Variants in KIF27 observed in about 807,000 individuals in gnomAD.
The protein encoded by KIF27 is kinesin family member 27, also known as kinesin-like protein KIF27.
KIF27 carries 84 observed loss-of-function variants against 141.8 expected under a neutral mutation model. The observed-to-expected ratio is 0.59, with a 90% CI of 0.50 to 0.71. The LOEUF is 0.71. Among genes scored for constraint, KIF27 ranks in the 30% least tolerant of loss-of-function variants. The pLI is 0.00. For synonymous variants in KIF27, 471 were observed against 569.5 expected (o/e 0.83, Z 2.46); for missense variants, 1,306 against 1,628.4 (o/e 0.80, Z 3.41).
intron 9 of KIF27, among the ~76,000 whole-genome samples, 193 bp downstream of exon 9, chr9:83,886,848 G>A (rs549292063): frequency 2.6e-4 from 40 of 152,220 alleles, no homozygotes; most frequent in Admixed American, 1.9e-3. Context: ...ACAATTCAGA[G>A]GTGAAATCCC....
Position 83,870,500 on chromosome 9 carries a change from C to T in KIF27, c.2757+19G>A, listed in dbSNP as rs1206768058. The T allele has an allele frequency of 1.2e-6, 2 of 1,613,318 alleles. No homozygotes were observed. The stretch of plus-strand genomic sequence containing the variant: ...CAGATTGAAGAGAAACCAGGAAACA[C>T]TAAATAGAATTGACAAACCTGGAGA... On this transcript the variant is annotated intron_variant, in intron 12 of 17. Transcript: ENST00000297814.
At chr9:83,894,042 A>T (rs985287483) in intron 5 of KIF27, among the ~76,000 whole-genome samples, 3 of 152,220 alleles carry the variant, frequency 2.0e-5, no homozygotes, top group African/African-American at 7.2e-5. Context: ...ACAATGGTCA[A>T]ATTCCTAGAA....
chr9:83,869,784 A>G (rs1481896354), intron 12 of KIF27, among the ~76,000 whole-genome samples: 1 of 152,194 alleles, frequency 6.6e-6, no homozygotes, highest in Non-Finnish European at 1.5e-5. Flanking sequence ...TCCAGTGAAC[A>G]TGGATTTCAT....
chr9:83,884,527 C>T (rs2132260052), intron 9 of KIF27, among the ~76,000 whole-genome samples: 1 of 152,248 alleles, frequency 6.6e-6, no homozygotes, highest in East Asian at 1.9e-4. Context: ...TCAAATATGC[C>T]TATTGTTTTA....
rs1952159502 is a variant in KIF27 at position 83,886,914 on chromosome 9, C to T, written c.2239+127G>A. ...TCCACATATTGGCCTAAAAACTCAC[C>T]TTGTTACACCAATCCAAGCTAAGTG... On this transcript the variant is annotated intron_variant, in intron 9 of 17. Transcript: ENST00000297814. 27 of 1,057,086 alleles carry T rather than the reference C, an allele frequency of 2.6e-5. No individual in the cohort carries two copies. The South Asian group carries it at 5.1e-4, about 20-fold the overall frequency. The allele number at this position is 1,057,086 out of a possible 1,614,324, so 65.5% of individuals were successfully genotyped here.
intron 16 of KIF27, chr9:83,848,816 A>G (rs1274026234): frequency 6.7e-6 from 1 of 149,282 alleles, no homozygotes; most frequent in Non-Finnish European, 1.5e-5. Flanking sequence ...TGACTTTTTT[A>G]CTTTTTTTTT....
intron 3 of KIF27, among the ~76,000 whole-genome samples, chr9:83,905,960 C>T (rs1954478413): frequency 6.6e-6 from 1 of 152,196 alleles, no homozygotes; most frequent in Non-Finnish European, 1.5e-5. Context: ...TCATTTGTAA[C>T]ATCCTTCCAA....
chr9:83,887,185 CA>C lies in KIF27; in HGVS notation c.2094del (p.Ile698MetfsTer10). 2.7e-6 allele frequency: 4 copies of C among 1,503,748 alleles called. No individual in the cohort carries two copies. The highest frequency in any genetic ancestry group is 3.6e-6 in the Non-Finnish European group (4 of 1,122,202). 93.2% of individuals were successfully genotyped at this position (1,503,748 alleles called of 1,614,324 possible). Reference sequence around the variant, plus strand: ...AATTCTTGACTCTCCTGGAGACAATCAATCTTTAAATCTTTAAAAAAAAATG... The same window carrying C: ...AATTCTTGACTCTCCTGGAGACAATCATCTTTAAATCTTTAAAAAAAAATG... ...KSDLENEDLK[I>X]DCLQESQELN... On this transcript the variant is annotated frameshift_variant, in exon 9 of 18. Coordinates refer to ENST00000297814, the MANE Select transcript of KIF27 (RefSeq NM_017576.4). LOFTEE classifies it high-confidence loss of function.
chr9:83,908,279 A>AAG (rs1554683031), intron 3 of KIF27, among the ~76,000 whole-genome samples, 173 bp downstream of exon 3: 22 of 151,614 alleles, frequency 1.5e-4, no homozygotes, highest in Middle Eastern at 3.2e-3. Context: ...AAAAAAAAAA[A>AAG]AGAGAGAGAG....
At chr9:83,877,472 A>C (rs1321302221) in intron 11 of KIF27, among the ~76,000 whole-genome samples, 1 of 152,172 alleles carries the variant, frequency 6.6e-6, no homozygotes, top group Non-Finnish European at 1.5e-5. Flanking sequence ...CAAAAGAATA[A>C]ATGTGGACCA....
rs925020247 is a variant in KIF27 at position 83,870,430 on chromosome 9, G to T, written c.2757+89C>A. 21 of 1,544,432 alleles carry T rather than the reference G, an allele frequency of 1.4e-5. No homozygotes were observed. The African/African-American group carries it at 2.7e-4, about 20-fold the overall frequency. ...GATCCACCCACCTCGGCGTCCCAAA[G>T]TGCTAGGATTACAGGTGTGAGTTTA... On this transcript the variant is annotated intron_variant, in intron 12 of 17. Coordinates refer to ENST00000297814, the MANE Select transcript of KIF27 (RefSeq NM_017576.4).
intron 5 of KIF27, chr9:83,898,551 T>C (rs1225482147): frequency 6.6e-6 from 1 of 152,228 alleles, no homozygotes; most frequent in Non-Finnish European, 1.5e-5. Context: ...CGCTGGCAGT[T>C]AGCAATTTCT....
chr9:83,878,479 T>G (rs1225530469), intron 11 of KIF27, among the ~76,000 whole-genome samples: 1 of 152,162 alleles, frequency 6.6e-6, no homozygotes, highest in Non-Finnish European at 1.5e-5. Context: ...TTATTCACAA[T>G]AGCCAAATGG....
At chr9:83,894,036 T>C (rs567513470) in intron 5 of KIF27, among the ~76,000 whole-genome samples, 1 of 152,232 alleles carries the variant, frequency 6.6e-6, no homozygotes, top group Admixed American at 6.5e-5. Context: ...TTATATACAA[T>C]GGTCAAATTC....
At chr9:83,917,718 T>C (rs552292604) in intron 1 of KIF27, among the ~76,000 whole-genome samples, 17 of 152,304 alleles carry the variant, frequency 1.1e-4, no homozygotes, top group African/African-American at 3.8e-4. Flanking sequence ...AAGAATACTC[T>C]TTTCAACAAA....
chr9:83,866,903 TCA>T (rs752208802), intron 13 of KIF27, among the ~76,000 whole-genome samples: 3 of 151,716 alleles, frequency 2.0e-5, no homozygotes, highest in Non-Finnish European at 2.9e-5. Context: ...TTTCATATAT[TCA>T]CAGTTATGTA....
At chr9:83,911,700 T>C (rs1046338927) in intron 2 of KIF27, among the ~76,000 whole-genome samples, 3 of 151,696 alleles carry the variant, frequency 2.0e-5, no homozygotes, top group Non-Finnish European at 2.9e-5. Context: ...CACCACCACG[T>C]CTGACTGGTT....
At chr9:83,871,691 CTT>C (rs1372606607) in intron 11 of KIF27, among the ~76,000 whole-genome samples, 3 of 143,286 alleles carry the variant, frequency 2.1e-5, no homozygotes, top group Admixed American at 7.0e-5. Flanking sequence ...CCATCCACAT[CTT>C]TTTTTTTTTT....
rs12002103 is a variant in KIF27 at position 83,848,084 on chromosome 9, C to G, written c.3556+2015G>C. Reference sequence around the variant, plus strand: ...ATCATATATATGATATATGATATATCATATATATGATATATATGATATCTC... The same window carrying G: ...ATCATATATATGATATATGATATATGATATATATGATATATATGATATCTC... On this transcript the variant is annotated intron_variant, in intron 16 of 17. Transcript: ENST00000297814. Among the ~76,000 whole-genome samples, 18 of 54,388 alleles carry G rather than the reference C, an allele frequency of 3.3e-4. 2 individuals are homozygous for G. Among genetic ancestry groups the G allele is most frequent in the East Asian group, 1.1e-3 (2 of 1,812 alleles). The allele number at this position is 54,388 out of a possible 152,430, so 35.7% of individuals were successfully genotyped here.
Sources: allele counts gnomAD v4.1 joint callset (sites outside exome capture counted in the v4.1 genomes callset), GRCh38; gene constraint gnomAD v4.1.1; transcripts MANE v1.5; gene names NCBI Gene and HGNC (gene_info 2026-07-23, HGNC 2026-07-21).